Variants in CERS6 observed in about 807,000 individuals in gnomAD.
CERS6 encodes the protein ceramide synthase 6, also known as LAG1 homolog, ceramide synthase 6.
CERS6 carries 26 observed loss-of-function variants against 56.8 expected under a neutral mutation model. That is an observed-to-expected ratio of 0.46 (90% CI 0.34 to 0.63). CERS6 has a LOEUF of 0.63. Among genes scored for constraint, CERS6 ranks in the 30% least tolerant of loss-of-function variants. The pLI is 0.01. For synonymous variants in CERS6, 164 were observed against 173.3 expected (o/e 0.95, Z 0.42); for missense variants, 415 against 467.5 (o/e 0.89, Z 1.04).
chr2:168,755,987 A>G (rs1256317770), intron 8 of CERS6, among the ~76,000 whole-genome samples: 1 of 152,200 alleles, frequency 6.6e-6, no homozygotes, highest in Admixed American at 6.5e-5. Context: ...AAGGAGAAAA[A>G]GGTAAGGAAG....
intron 1 of CERS6, among the ~76,000 whole-genome samples, chr2:168,457,526 C>T (rs1188486135): frequency 6.6e-6 from 1 of 152,124 alleles, no homozygotes; most frequent in Non-Finnish European, 1.5e-5. Context: ...GAAAGAAAAC[C>T]AGGACAGCAG....
intron 8 of CERS6, among the ~76,000 whole-genome samples, chr2:168,747,509 C>T (rs922913061): frequency 1.2e-4 from 18 of 151,868 alleles, no homozygotes; most frequent in East Asian, 5.8e-4. Context: ...GATAGATAAC[C>T]GTAAAAGTGA....
chr2:168,532,576 G>T (rs1695187829), intron 1 of CERS6, among the ~76,000 whole-genome samples: 1 of 151,820 alleles, frequency 6.6e-6, no homozygotes, highest in African/African-American at 2.4e-5. Flanking sequence ...TGCTAGAAGA[G>T]CCCCGTGGAG....
At chr2:168,612,870 T>C (rs1219549388) in intron 3 of CERS6, among the ~76,000 whole-genome samples, 3 of 152,194 alleles carry the variant, frequency 2.0e-5, no homozygotes, top group Non-Finnish European at 4.4e-5. Flanking sequence ...CTCATTCATG[T>C]CAAAGCAAAT....
chr2:168,530,207 G>A (rs1695140817), intron 1 of CERS6, among the ~76,000 whole-genome samples: 1 of 152,254 alleles, frequency 6.6e-6, no homozygotes, highest in Admixed American at 6.5e-5. Context: ...GCAGCAGTTA[G>A]AGATGGAGTT....
chr2:168,640,769 A>G (rs993984236), intron 4 of CERS6, among the ~76,000 whole-genome samples: 1 of 152,234 alleles, frequency 6.6e-6, no homozygotes, highest in African/African-American at 2.4e-5. Context: ...GAGATGGGAC[A>G]TTTTAGCCAA....
chr2:168,576,010 T>A (rs1365628098), intron 3 of CERS6, among the ~76,000 whole-genome samples: 1 of 152,158 alleles, frequency 6.6e-6, no homozygotes, highest in South Asian at 2.1e-4. Context: ...GAGCGTTTAT[T>A]TGTGGTAACA....
intron 1 of CERS6, among the ~76,000 whole-genome samples, chr2:168,482,090 G>A (rs1271880084): frequency 6.6e-6 from 1 of 152,116 alleles, no homozygotes; most frequent in Admixed American, 6.5e-5. Flanking sequence ...AATAAATTAT[G>A]GCATTTAAAC....
chr2:168,726,302 A>T (rs978712075), intron 8 of CERS6, among the ~76,000 whole-genome samples: 2 of 152,206 alleles, frequency 1.3e-5, no homozygotes, highest in African/African-American at 4.8e-5. Context: ...ACAGGTGCTT[A>T]CTATGTTCCA....
At chr2:168,509,431 A>G (rs1694739022) in intron 1 of CERS6, among the ~76,000 whole-genome samples, 1 of 152,190 alleles carries the variant, frequency 6.6e-6, no homozygotes, top group Admixed American at 6.5e-5. Context: ...CCCCACATTT[A>G]TTCCAGTTTT....
intron 1 of CERS6, among the ~76,000 whole-genome samples, chr2:168,525,503 A>G (rs1471541174): frequency 2.6e-5 from 4 of 152,240 alleles, no homozygotes; most frequent in Non-Finnish European, 5.9e-5. Context: ...TATCTACCAG[A>G]AAATACCAAT....
At chr2:168,715,724 T>A (rs1687211594) in intron 7 of CERS6, among the ~76,000 whole-genome samples, 1 of 152,158 alleles carries the variant, frequency 6.6e-6, no homozygotes, top group Non-Finnish European at 1.5e-5. Context: ...TTCTAGCATA[T>A]TTCAAAAGGT....
chr2:168,570,398 T>A (rs1239929802), intron 3 of CERS6, among the ~76,000 whole-genome samples: 1 of 152,102 alleles, frequency 6.6e-6, no homozygotes, highest in Non-Finnish European at 1.5e-5. Flanking sequence ...AAGCACCACA[T>A]GAGAAATGTC....
At position 168,752,349 on chromosome 2, in the gene CERS6, A is replaced by G. The variant is rs374288680; in HGVS notation, c.846-13243A>G. Among the ~76,000 whole-genome samples, 17 of 150,962 alleles carry G rather than the reference A, an allele frequency of 1.1e-4. 1 individual carries two copies. The highest frequency in any genetic ancestry group is 4.6e-4 in the Admixed American group (7 of 15,104). On this transcript the variant is annotated intron_variant, in intron 8 of 9. Transcript: ENST00000305747. ...GAGAGAGAGAGAGAGGCTAAGTTTG[A>G]CACTGGAATGTGTCCAGCGTCACCA...
At chr2:168,657,507 G>A (rs1046209683) in intron 4 of CERS6, among the ~76,000 whole-genome samples, 11 of 152,246 alleles carry the variant, frequency 7.2e-5, no homozygotes, top group Admixed American at 2.6e-4. Context: ...TCGTCGGGGA[G>A]GCTCGGGCCA....
At chr2:168,718,403 C>A (rs1481295608) in intron 8 of CERS6, among the ~76,000 whole-genome samples, 1 of 152,230 alleles carries the variant, frequency 6.6e-6, no homozygotes, top group African/African-American at 2.4e-5. Context: ...GTTAGAAATG[C>A]ACATTCTTGG....
At chr2:168,505,716 GA>G (rs1694665803) in intron 1 of CERS6, among the ~76,000 whole-genome samples, 1 of 152,160 alleles carries the variant, frequency 6.6e-6, no homozygotes, top group South Asian at 2.1e-4. Flanking sequence ...TTGTTAGAGG[GA>G]AAATTCCCCT....
intron 3 of CERS6, among the ~76,000 whole-genome samples, chr2:168,626,282 G>A (rs746947970): frequency 8.5e-5 from 13 of 152,256 alleles, no homozygotes; most frequent in South Asian, 6.2e-4. Flanking sequence ...AAATCAAACG[G>A]CCCTCGTATG....
At chr2:168,529,087 G>A (rs1476006350) in intron 1 of CERS6, among the ~76,000 whole-genome samples, 2 of 152,232 alleles carry the variant, frequency 1.3e-5, no homozygotes, top group African/African-American at 2.4e-5. Flanking sequence ...ATTGTGCCAG[G>A]AGCATGTGCT....
Sources: allele counts gnomAD v4.1 joint callset (sites outside exome capture counted in the v4.1 genomes callset), GRCh38; gene constraint gnomAD v4.1.1; transcripts MANE v1.5; gene names NCBI Gene and HGNC (gene_info 2026-07-23, HGNC 2026-07-21).